The following PKP4 variants were observed in gnomAD, a reference collection of about 807,000 sequenced individuals.
The protein encoded by PKP4 is plakophilin-4.
A neutral mutation model predicts 145.1 loss-of-function variants in PKP4; 90 were observed. The observed-to-expected ratio is 0.62, with a 90% CI of 0.52 to 0.74. PKP4 has a LOEUF of 0.74. Ranked by LOEUF, PKP4 falls within the 30% of genes least tolerant of loss-of-function variation. The probability of loss-of-function intolerance (pLI) is 0.00; values close to 1 mark genes in which losing one functional copy is unlikely to be tolerated. For missense variants in PKP4, 1,340 were observed against 1,482.7 expected, an observed-to-expected ratio of 0.90 and a Z score of 1.58; for synonymous variants, 563 against 577.2, an observed-to-expected ratio of 0.98 and a Z score of 0.35.
intron 1 of PKP4, among the ~76,000 whole-genome samples, chr2:158,483,906 C>CG (rs1693744472): frequency 6.6e-6 from 1 of 152,124 alleles, no homozygotes; most frequent in East Asian, 1.9e-4. Flanking sequence ...GCAGAAACCA[C>CG]GGTCAGCTGA....
At chr2:158,675,556 G>A (rs751368388) in intron 19 of PKP4, among the ~76,000 whole-genome samples, 4 of 152,150 alleles carry the variant, frequency 2.6e-5, no homozygotes, top group Non-Finnish European at 5.9e-5. Context: ...TCTAGTCAGT[G>A]GTAGGGAATA....
chr2:158,515,119 A>G (rs1380760810), intron 1 of PKP4, among the ~76,000 whole-genome samples: 7 of 152,210 alleles, frequency 4.6e-5, no homozygotes, highest in African/African-American at 9.7e-5. Context: ...TAAACTGGAC[A>G]TGTTTTAGGC....
Position 158,680,784 on chromosome 2 carries a change from GGAAT to G in PKP4, c.*115_*118del, listed in dbSNP as rs1198407472. 9.8e-7 allele frequency: 1 copy of G among 1,022,538 alleles called. No individual in the cohort carries two copies. Among genetic ancestry groups the G allele is most frequent in the African/African-American group, 1.6e-5 (1 of 62,118 alleles). The allele number at this position is 1,022,538 out of a possible 1,614,324, so 63.3% of individuals were successfully genotyped here. A position where few individuals can be genotyped will look rare whatever the true frequency, so the allele number is the denominator to read the frequency against. ...ATTGAAATGTGAAAGTGAAGTGGAA[GGAAT>G]GAATGAAGTGTGTTTTTTTTTTCTT... is the stretch of plus-strand genomic sequence containing the variant. On this transcript the variant is annotated 3_prime_UTR_variant, in exon 22 of 22. Coordinates refer to ENST00000389759, the MANE Select transcript of PKP4 (RefSeq NM_003628.6).
intron 3 of PKP4, among the ~76,000 whole-genome samples, chr2:158,583,918 C>T (rs2048556803): frequency 6.6e-6 from 1 of 152,052 alleles, no homozygotes. Context: ...CAATAGATCA[C>T]AGCGAGGGAG....
intron 11 of PKP4, among the ~76,000 whole-genome samples, chr2:158,646,336 G>A (rs1379977476): frequency 6.6e-6 from 1 of 152,204 alleles, no homozygotes; most frequent in Non-Finnish European, 1.5e-5. Context: ...AACACTTCAT[G>A]CAATTGCCAT....
chr2:158,578,506 T>TAAGA (rs10628297), intron 3 of PKP4, among the ~76,000 whole-genome samples: 3 of 151,410 alleles, frequency 2.0e-5, no homozygotes, highest in Non-Finnish European at 4.4e-5. Context: ...AATAATTCGT[T>TAAGA]AAGTTAAAAC....
intron 1 of PKP4, among the ~76,000 whole-genome samples, chr2:158,504,297 G>A (rs1332658838): frequency 6.6e-6 from 1 of 152,164 alleles, no homozygotes; most frequent in Non-Finnish European, 1.5e-5. Context: ...ACACGGCCCA[G>A]GGCCTGACAC....
intron 2 of PKP4, among the ~76,000 whole-genome samples, chr2:158,559,533 A>G (rs1460532029): frequency 6.6e-6 from 1 of 152,064 alleles, no homozygotes; most frequent in Non-Finnish European, 1.5e-5. Flanking sequence ...CACTCTGCGG[A>G]GGACTTACAC....
intron 3 of PKP4, among the ~76,000 whole-genome samples, chr2:158,595,663 A>C (rs1011441998): frequency 6.6e-6 from 1 of 152,238 alleles, no homozygotes; most frequent in African/African-American, 2.4e-5. Context: ...TCCTGATCAT[A>C]ATTGAAGATT....
At position 158,563,097 on chromosome 2, in the gene PKP4, A is replaced by G. The variant is rs538062856; in HGVS notation, c.133-14174A>G. On this transcript the variant is annotated intron_variant, in intron 2 of 21. Coordinates refer to ENST00000389759, the MANE Select transcript of PKP4 (RefSeq NM_003628.6). ...TAAAGCAAACAGTTCATTTTACAGC[A>G]TATATATTTAAGATGTTATATATTT... Among the ~76,000 whole-genome samples the G allele has an allele frequency of 2.5e-3, 386 of 152,332 alleles. 2 individuals carry two copies. The highest frequency in any genetic ancestry group is 9.0e-3 in the African/African-American group (373 of 41,582).
chr2:158,532,071 G>A (rs1377495641), intron 1 of PKP4, among the ~76,000 whole-genome samples: 1 of 152,090 alleles, frequency 6.6e-6, no homozygotes, highest in African/African-American at 2.4e-5. Context: ...TTATTATTTT[G>A]GAAACAGAAG....
chr2:158,571,155 AG>A (rs1395350617), intron 2 of PKP4, among the ~76,000 whole-genome samples: 16 of 152,150 alleles, frequency 1.1e-4, no homozygotes, highest in Non-Finnish European at 2.2e-4. Context: ...TAATTGTAGT[AG>A]CTATTGCAGC....
At chr2:158,507,668 A>T (rs2041113124) in intron 1 of PKP4, among the ~76,000 whole-genome samples, 1 of 152,174 alleles carries the variant, frequency 6.6e-6, no homozygotes, top group African/African-American at 2.4e-5. Flanking sequence ...TGACCATCAC[A>T]TTACTGAAGT....
intron 1 of PKP4, among the ~76,000 whole-genome samples, chr2:158,458,731 A>C (rs1438255130): frequency 6.6e-6 from 1 of 152,170 alleles, no homozygotes; most frequent in Non-Finnish European, 1.5e-5. Context: ...GGCTGTGTTT[A>C]GACCTCGTAT....
intron 3 of PKP4, among the ~76,000 whole-genome samples, chr2:158,580,012 G>A (rs2048199267): frequency 6.6e-6 from 1 of 152,052 alleles, no homozygotes; most frequent in Non-Finnish European, 1.5e-5. Flanking sequence ...GAAGAAAGGA[G>A]GACGATACTA....
chr2:158,474,667 C>T (rs1211940482), intron 1 of PKP4, among the ~76,000 whole-genome samples: 1 of 152,262 alleles, frequency 6.6e-6, no homozygotes, highest in East Asian at 1.9e-4. Context: ...TTTTGCCTTT[C>T]CCTCAGCAGT....
At chr2:158,462,393 A>G (rs559287481) in intron 1 of PKP4, among the ~76,000 whole-genome samples, 2 of 152,282 alleles carry the variant, frequency 1.3e-5, no homozygotes, top group Non-Finnish European at 2.9e-5. Context: ...AAAAAGAACA[A>G]AAAACTTTTC....
intron 1 of PKP4, among the ~76,000 whole-genome samples, chr2:158,500,615 C>T (rs1008795943): frequency 1.3e-5 from 2 of 152,268 alleles, no homozygotes; most frequent in Admixed American, 6.5e-5. Flanking sequence ...ATTCAGAGCC[C>T]GTGCCTTCCT....
intron 1 of PKP4, among the ~76,000 whole-genome samples, chr2:158,511,170 T>G (rs1268712764): frequency 6.6e-6 from 1 of 152,188 alleles, no homozygotes; most frequent in African/African-American, 2.4e-5. Flanking sequence ...GCGGATCACC[T>G]GAGGTCAGGA....
Sources: gnomAD v4.1 joint callset for allele counts (sites outside exome capture counted in the v4.1 genomes callset) on GRCh38, gnomAD v4.1.1 for gene constraint, MANE v1.5 for transcripts, NCBI Gene and HGNC (gene_info 2026-07-23, HGNC 2026-07-21) for gene names.